The following GRIP1 variants were observed in gnomAD, a reference collection of about 807,000 sequenced individuals.
GRIP1 encodes the protein glutamate receptor-interacting protein 1.
GRIP1 carries 45 observed loss-of-function variants against 129.9 expected under a neutral mutation model. That is an observed-to-expected ratio of 0.35 (90% confidence interval 0.27 to 0.44). The LOEUF is 0.44. Among genes scored for constraint, GRIP1 ranks in the 20% least tolerant of loss-of-function variants. GRIP1 has a pLI of 1.00. For missense variants in GRIP1, 1,196 were observed against 1,396.8 expected (o/e 0.86, Z 2.29); for synonymous variants, 530 against 520.8 (o/e 1.02, Z -0.24).
intron 7 of GRIP1, among the ~76,000 whole-genome samples, chr12:66,494,322 GTCTT>G (rs1196247928): frequency 7.2e-5 from 11 of 152,124 alleles, no homozygotes; most frequent in African/African-American, 2.7e-4. Context: ...TATTAACTGA[GTCTT>G]AAACTTTGAA....
intron 1 of GRIP1, among the ~76,000 whole-genome samples, chr12:66,686,050 G>A (rs145874087): frequency 1.5e-3 from 229 of 152,204 alleles, no homozygotes; most frequent in Non-Finnish European, 2.5e-3. Flanking sequence ...AAAAGAGGAC[G>A]CTCATAAATT....
At chr12:66,879,594 C>T (rs1005816220) in intron 1 of GRIP1, among the ~76,000 whole-genome samples, 8 of 151,952 alleles carry the variant, frequency 5.3e-5, no homozygotes, top group African/African-American at 7.3e-5. Context: ...TAAACAAAAG[C>T]TTCAGCTGGA....
At chr12:67,042,592 G>A (rs1332765054) in intron 1 of GRIP1, among the ~76,000 whole-genome samples, 1 of 152,004 alleles carries the variant, frequency 6.6e-6, no homozygotes, top group East Asian at 1.9e-4. Flanking sequence ...TAAATTTTCA[G>A]TCTCTTATCT....
intron 1 of GRIP1, among the ~76,000 whole-genome samples, chr12:66,946,440 T>C (rs1236004261): frequency 6.6e-6 from 1 of 152,148 alleles, no homozygotes; most frequent in Non-Finnish European, 1.5e-5. Context: ...TATTCAAATA[T>C]ATTCCCTAAA....
intron 1 of GRIP1, among the ~76,000 whole-genome samples, chr12:66,712,466 A>G (rs2035741791): frequency 6.6e-6 from 1 of 151,836 alleles, no homozygotes; most frequent in African/African-American, 2.4e-5. Context: ...TTTGAGCTTC[A>G]TTTTCAGGGA....
chr12:66,803,482 C>T (rs908363237), intron 1 of GRIP1, among the ~76,000 whole-genome samples: 3 of 152,190 alleles, frequency 2.0e-5, no homozygotes, highest in South Asian at 2.1e-4. Context: ...AGACATATTA[C>T]GGATACTACA....
At chr12:66,437,792 C>G (rs776262752) in intron 13 of GRIP1, among the ~76,000 whole-genome samples, 2 of 152,176 alleles carry the variant, frequency 1.3e-5, no homozygotes, top group African/African-American at 2.4e-5. Context: ...AACAAATCAC[C>G]TCCCTGCAAC....
intron 1 of GRIP1, among the ~76,000 whole-genome samples, chr12:66,873,481 T>C (rs1475791186): frequency 6.6e-6 from 1 of 152,098 alleles, no homozygotes; most frequent in Admixed American, 6.6e-5. Flanking sequence ...TAAGTCTTGA[T>C]ACTATCAAAA....
At chr12:66,658,956 G>GAAC (rs541002705) in intron 1 of GRIP1, among the ~76,000 whole-genome samples, 294 of 151,006 alleles carry the variant, frequency 1.9e-3, no homozygotes, top group Non-Finnish European at 3.5e-3. Flanking sequence ...AAAAACAAAC[G>GAAC]AACAACAACA....
chr12:66,737,106 C>A (rs2036628461), intron 1 of GRIP1, among the ~76,000 whole-genome samples: 1 of 152,154 alleles, frequency 6.6e-6, no homozygotes, highest in African/African-American at 2.4e-5. Flanking sequence ...TGGGGCTAAA[C>A]AAGGGTCAGT....
intron 1 of GRIP1, among the ~76,000 whole-genome samples, chr12:66,783,367 A>G (rs1315273833): frequency 3.9e-5 from 6 of 152,190 alleles, no homozygotes; most frequent in Middle Eastern, 3.4e-3. Context: ...TGTCATGGGG[A>G]AAAAAAGTGC....
chr12:66,472,884 A>G (rs1165575625), intron 7 of GRIP1, among the ~76,000 whole-genome samples: 5 of 152,184 alleles, frequency 3.3e-5, no homozygotes, highest in Non-Finnish European at 7.4e-5. Context: ...GGTTTCAAGC[A>G]CAAAACTGGG....
chr12:66,369,493 T>C (rs961366658), intron 23 of GRIP1, among the ~76,000 whole-genome samples: 1 of 152,158 alleles, frequency 6.6e-6, no homozygotes, highest in Non-Finnish European at 1.5e-5. Context: ...GGGCTATCAA[T>C]AATCTTCTTC....
chr12:66,884,107 G>T (rs2040524909), intron 1 of GRIP1, among the ~76,000 whole-genome samples: 1 of 152,216 alleles, frequency 6.6e-6, no homozygotes. Flanking sequence ...CCATATGTGA[G>T]TGCCTTTTGT....
chr12:66,406,163 T>G, intron 16 of GRIP1, 120 bp downstream of exon 16: 1 of 916,924 alleles, frequency 1.1e-6, no homozygotes, highest in Non-Finnish European at 1.7e-6. Context: ...CTCTTTTAGC[T>G]GTGAAACACT....
chr12:66,372,032 C>T (rs900495470), intron 22 of GRIP1, 105 bp from the exon 23 acceptor site: 1 of 766,806 alleles, frequency 1.3e-6, no homozygotes, highest in Admixed American at 2.0e-5. Context: ...AAAATACAGT[C>T]TCTTCAGGGC....
At chr12:66,815,344 C>T (rs2039187036) in intron 1 of GRIP1, among the ~76,000 whole-genome samples, 1 of 152,062 alleles carries the variant, frequency 6.6e-6, no homozygotes, top group African/African-American at 2.4e-5. Context: ...CTCCATTTTT[C>T]AGAAAACTCT....
intron 1 of GRIP1, among the ~76,000 whole-genome samples, chr12:66,777,782 T>C (rs184763947): frequency 6.6e-6 from 1 of 152,258 alleles, no homozygotes; most frequent in East Asian, 1.9e-4. Context: ...CCAAAAAGTA[T>C]GTAAGAAATT....
At chr12:67,029,284 A>G (rs1161362474) in intron 1 of GRIP1, among the ~76,000 whole-genome samples, 2 of 151,884 alleles carry the variant, frequency 1.3e-5, no homozygotes, top group Admixed American at 6.6e-5. Flanking sequence ...TGTTGTTGTT[A>G]TCGTTGTTAT....
Sources: allele counts gnomAD v4.1 joint callset (sites outside exome capture counted in the v4.1 genomes callset), GRCh38; gene constraint gnomAD v4.1.1; transcripts MANE v1.5; gene names NCBI Gene and HGNC (gene_info 2026-07-23, HGNC 2026-07-21).